RIF1: variants seen among roughly 807,000 people sequenced by gnomAD.
The protein encoded by RIF1 is replication timing regulatory factor 1.
RIF1 carries 45 observed loss-of-function variants against 247.1 expected under a neutral mutation model. That is an observed-to-expected ratio of 0.18 (90% CI 0.14 to 0.23). RIF1 has a LOEUF of 0.23. Ranked by LOEUF, RIF1 falls within the 10% of genes least tolerant of loss-of-function variation. The probability of loss-of-function intolerance (pLI) is 1.00; values close to 1 mark genes in which losing one functional copy is unlikely to be tolerated. For synonymous variants in RIF1, 1,087 were observed against 978.8 expected, an observed-to-expected ratio of 1.11 and a Z score of -2.06; for missense variants, 2,967 against 2,862.5, an observed-to-expected ratio of 1.04 and a Z score of -0.83.
At chr2:151,413,007 T>C (rs866959694) in intron 3 of RIF1, among the ~76,000 whole-genome samples, 1 of 152,094 alleles carries the variant, frequency 6.6e-6, no homozygotes, top group African/African-American at 2.4e-5. Context: ...ACATGCACTT[T>C]CGTGTATTGA....
chr2:151,527,531 C>T, the RIF1 span: 5 of 1,613,470 alleles, frequency 3.1e-6, no homozygotes. Flanking sequence ...TCCGGTCGGT[C>T]AGGAGTCCAC....
At chr2:151,424,045 A>ATTAT (rs1447102348) in intron 8 of RIF1, among the ~76,000 whole-genome samples, 1 of 152,158 alleles carries the variant, frequency 6.6e-6, no homozygotes, top group Admixed American at 6.6e-5. Context: ...GTACCTCATA[A>ATTAT]AAGTGAAATT....
intron 1 of RIF1, 106 bp downstream of exon 1, chr2:151,410,139 C>T (rs879087013): frequency 3.5e-4 from 237 of 676,870 alleles, no homozygotes; most frequent in South Asian, 3.3e-3. Context: ...CTTCTCCCGC[C>T]CTCCGCCGAT....
intron 20 of RIF1, among the ~76,000 whole-genome samples, chr2:151,448,373 A>G (rs1452655744): frequency 1.3e-5 from 2 of 152,174 alleles, no homozygotes; most frequent in African/African-American, 4.8e-5. Flanking sequence ...GTAAAAGATT[A>G]CAAACAACAA....
intron 1 of RIF1, 117 bp downstream of exon 1, chr2:151,410,150 C>G (rs1685888880): frequency 1.5e-6 from 1 of 666,858 alleles, no homozygotes; most frequent in Admixed American, 2.1e-5. Flanking sequence ...CTCCGCCGAT[C>G]TCCTCCCTCT....
chr2:151,443,748 CTT>C (rs377346375), intron 18 of RIF1, 39 bp downstream of exon 18: 16 of 1,153,990 alleles, frequency 1.4e-5, no homozygotes, highest in South Asian at 5.2e-5. Context: ...GATAATAGAC[CTT>C]TTTTTTTTGT....
At chr2:151,458,983 G>A in intron 25 of RIF1, 73 bp downstream of exon 25, 1 of 834,134 alleles carries the variant, frequency 1.2e-6, no homozygotes, top group Non-Finnish European at 1.9e-6. Flanking sequence ...TAAATAAGTA[G>A]AACCTGAACA....
At chr2:151,434,504 G>A (rs1244068723) in intron 10 of RIF1, among the ~76,000 whole-genome samples, 3 of 143,082 alleles carry the variant, frequency 2.1e-5, no homozygotes, top group South Asian at 2.2e-4. Context: ...GCAGTGGCAC[G>A]ATCTCGGCTC....
chr2:151,457,743 T>G lies in RIF1; in HGVS notation c.2653-18T>G. ...ATATTTAGTATATGTTTTGCTTTTA[T>G]TTTTTCGTTTTTCCTAGTTAGAAAA... On this transcript the variant is annotated intron_variant, in intron 23 of 35. Transcript: ENST00000444746. 1 of 1,594,190 alleles carries G rather than the reference T, an allele frequency of 6.3e-7. No individual in the cohort carries two copies. The highest frequency in any genetic ancestry group is 8.6e-7 in the Non-Finnish European group (1 of 1,163,070).
rs949212363 is a variant in RIF1 at position 151,409,945 on chromosome 2, T to C, written c.-99T>C. 12 of 701,188 alleles carry C rather than the reference T, an allele frequency of 1.7e-5. No individual in the cohort carries two copies. In the African/African-American group the frequency reaches 2.1e-4, roughly 12 times the overall value. 43.4% of individuals were successfully genotyped at this position (701,188 alleles called of 1,614,324 possible). On this transcript the variant is annotated 5_prime_UTR_variant, in exon 1 of 36. Coordinates refer to ENST00000444746, the MANE Select transcript of RIF1 (RefSeq NM_018151.5). ...GGAGGGAGCGCGCCGCACGCGTGAG[T>C]AAACAGCCGGAGCTGGGAAAGTCGA...
chr2:151,468,858 T>C, intron 33 of RIF1, 102 bp downstream of exon 33: 1 of 819,370 alleles, frequency 1.2e-6, no homozygotes. Flanking sequence ...GATTGGCATG[T>C]ACTCTCACAC....
rs1158944281 is a variant in RIF1, at chr2:151,499,595, C to CAT, written c.*709+56_*709+57dup. 1.5e-5 allele frequency: 6 copies of CAT among 395,724 alleles called. No individual in the cohort carries two copies. In the Admixed American group the frequency reaches 2.5e-4, roughly 17 times the overall value. The allele number at this position is 395,724 out of a possible 1,614,324, so 24.5% of individuals were successfully genotyped here. ...AAATATCAGTGTATTTGATATTCAT[C>CAT]ATCTTTTTATTGTAACTTGAATATA... is the stretch of plus-strand genomic sequence containing the variant. On this transcript the variant is annotated intron_variant and NMD_transcript_variant, in intron 11 of 13. Transcript: ENST00000454583.
rs1372880224 is a variant in RIF1 at position 151,480,212 on chromosome 2, A to G, written c.*5141A>G. ...TAAAAAATTGAAGACAATATTTTCCATTGTTGATGTCACAAGTAAGAAAAA... is the reference window on the plus strand; with the variant it reads ...TAAAAAATTGAAGACAATATTTTCCGTTGTTGATGTCACAAGTAAGAAAAA... On this transcript the variant is annotated 3_prime_UTR_variant, in exon 36 of 36. Transcript: ENST00000444746. 1 of 152,170 alleles carries G rather than the reference A, an allele frequency of 6.6e-6. No individual in the cohort carries two copies. The highest frequency in any genetic ancestry group is 1.5e-5 in the Non-Finnish European group (1 of 67,992). The allele number at this position is 152,170 out of a possible 1,614,324, so 9.4% of individuals were successfully genotyped here.
intron 22 of RIF1, 102 bp downstream of exon 22, chr2:151,455,261 G>A: frequency 1.3e-6 from 1 of 795,952 alleles, no homozygotes; most frequent in Non-Finnish European, 1.9e-6. Flanking sequence ...TGGTAGTCTT[G>A]ACAATTTTGT....
intron 3 of RIF1, among the ~76,000 whole-genome samples, chr2:151,414,032 C>T (rs1686745045): frequency 6.6e-6 from 1 of 152,180 alleles, no homozygotes; most frequent in Non-Finnish European, 1.5e-5. Flanking sequence ...AGATTGACAG[C>T]CAGGCACGGT....
chr2:151,453,790 C>T (rs970745624), intron 21 of RIF1, among the ~76,000 whole-genome samples: 2 of 152,134 alleles, frequency 1.3e-5, no homozygotes, highest in Non-Finnish European at 2.9e-5. Context: ...GCCAGGTTTT[C>T]CACTGTAAGG....
At chr2:151,442,052 T>TATTTTA (rs1692390976) in intron 16 of RIF1, 61 bp downstream of exon 16, 1 of 242,120 alleles carries the variant, frequency 4.1e-6, no homozygotes, top group Non-Finnish European at 7.9e-6. Context: ...TTCCCTTTTT[T>TATTTTA]ATTTTATTTT....
rs1196694753 is a variant in RIF1, at chr2:151,464,953, A to C, written c.5433A>C (p.Leu1811Phe). 4.4e-6 allele frequency: 7 copies of C among 1,573,276 alleles called. No individual in the cohort carries two copies. In the South Asian group the frequency reaches 7.3e-5, roughly 16 times the overall value. Residue 1811 changes from leucine to phenylalanine, a missense_variant, in exon 30 of 36, where the codon TTA becomes TTC. Coordinates refer to ENST00000444746, the MANE Select transcript of RIF1 (RefSeq NM_018151.5). ...KEDNDTINDS[L>F]IVSETKSKEN... ...ATAATGATACTATTAATGATTCATT[A>C]ATTGTTTCTGAAACCAAATCAAAAG...
downstream of RIF1, among the ~76,000 whole-genome samples, chr2:151,483,764 G>A (rs966750436): frequency 7.9e-5 from 12 of 152,158 alleles, no homozygotes; most frequent in African/African-American, 1.9e-4. Context: ...TCGAGTGGCC[G>A]GTGAGCAAGC....
Sources: gnomAD v4.1 joint callset for allele counts (sites outside exome capture counted in the v4.1 genomes callset) on GRCh38, gnomAD v4.1.1 for gene constraint, MANE v1.5 for transcripts, NCBI Gene and HGNC (gene_info 2026-07-23, HGNC 2026-07-21) for gene names.